Variants in WDFY1 observed in about 807,000 individuals in gnomAD.
The protein encoded by WDFY1 is WD repeat and FYVE domain containing 1.
In WDFY1, 32 loss-of-function variants were observed where a neutral mutation model predicts 56.4. That is an observed-to-expected ratio of 0.57 (90% CI 0.43 to 0.76). The LOEUF (loss-of-function observed/expected upper bound fraction) is 0.76. Among genes scored for constraint, WDFY1 ranks in the 30% least tolerant of loss-of-function variants. The pLI is 0.00. For synonymous variants in WDFY1, 192 were observed against 197.3 expected, an observed-to-expected ratio of 0.97 and a Z score of 0.23; for missense variants, 480 against 545.7, an observed-to-expected ratio of 0.88 and a Z score of 1.20.
chr2:223,901,139 A>AG (rs755717971), intron 5 of WDFY1, 44 bp downstream of exon 5: 1 of 1,581,032 alleles, frequency 6.3e-7, no homozygotes. Context: ...AACACTGAGA[A>AG]GCAGAGGCCA....
At chr2:223,902,557 C>T (rs1456352335) in intron 4 of WDFY1, among the ~76,000 whole-genome samples, 1 of 152,002 alleles carries the variant, frequency 6.6e-6, no homozygotes, top group East Asian at 1.9e-4. Flanking sequence ...ACAGCGAGAC[C>T]CTGTCTCTAA....
chr2:223,926,717 G>A (rs1293303140), intron 1 of WDFY1, among the ~76,000 whole-genome samples: 1 of 152,070 alleles, frequency 6.6e-6, no homozygotes, highest in Non-Finnish European at 1.5e-5. Context: ...ACCCAGGCTG[G>A]AGTGCAGTGG....
chr2:223,883,441 T>C (rs559643845), intron 9 of WDFY1, among the ~76,000 whole-genome samples: 2 of 152,338 alleles, frequency 1.3e-5, no homozygotes, highest in Admixed American at 1.3e-4. Context: ...CCTTTAGAAG[T>C]AGGGAATACT....
chr2:223,938,882 T>C (rs1274888324), intron 1 of WDFY1, among the ~76,000 whole-genome samples: 1 of 124,876 alleles, frequency 8.0e-6, no homozygotes, highest in Non-Finnish European at 1.7e-5. Flanking sequence ...TGAGACAGGG[T>C]TTTGGTCTGT....
intron 6 of WDFY1, among the ~76,000 whole-genome samples, chr2:223,897,373 TATA>T (rs1693403438): frequency 5.3e-5 from 2 of 37,808 alleles, no homozygotes; most frequent in South Asian, 9.5e-4. Context: ...TATATATATA[TATA>T]TATATATATA....
At chr2:223,895,734 C>T in intron 6 of WDFY1, 104 bp from the exon 7 acceptor site, 1 of 1,491,636 alleles carries the variant, frequency 6.7e-7, no homozygotes, top group Non-Finnish European at 9.0e-7. Context: ...AAACTAGGAG[C>T]AGCTGAGTCT....
chr2:223,932,162 A>G lies in WDFY1; in HGVS notation c.137+12986T>C, dbSNP rs1201770555. Among the ~76,000 whole-genome samples the G allele has an allele frequency of 1.5e-4, 18 of 119,762 alleles. No homozygotes were observed. The Middle Eastern group carries it at 0.028, about 188-fold the overall frequency. 78.6% of individuals were successfully genotyped at this position (119,762 alleles called of 152,430 possible). ...TTTTGAGACGAAGTCTCGCTCTGTC[A>G]CCCAGGCTGGAGTGCAGTGGTGCAA... On this transcript the variant is annotated intron_variant, in intron 1 of 11. Transcript: ENST00000233055.
chr2:223,902,481 C>T (rs925623103), intron 4 of WDFY1, among the ~76,000 whole-genome samples: 1 of 152,108 alleles, frequency 6.6e-6, no homozygotes, highest in African/African-American at 2.4e-5. Context: ...GGGAGGATCC[C>T]TTGAGCCCAG....
chr2:223,875,896 A>C lies in WDFY1; in HGVS notation c.*2775T>G, dbSNP rs1692961887. On this transcript the variant is annotated 3_prime_UTR_variant, in exon 12 of 12. Coordinates refer to ENST00000233055, the MANE Select transcript of WDFY1 (RefSeq NM_020830.5). The stretch of plus-strand genomic sequence containing the variant: ...TCTGAGCTACTATGGTATTTATTAC[A>C]TATTTGGGTCAGTTTCACCAGTTTA... 1 of 152,150 alleles carries C rather than the reference A, an allele frequency of 6.6e-6. No homozygotes were observed. Among genetic ancestry groups the C allele is most frequent in the Non-Finnish European group, 1.5e-5 (1 of 68,002 alleles). 9.4% of individuals were successfully genotyped at this position (152,150 alleles called of 1,614,324 possible). A position where few individuals can be genotyped will look rare whatever the true frequency, so the allele number is the denominator to read the frequency against.
chr2:223,895,294 G>T (rs959984639), intron 7 of WDFY1, among the ~76,000 whole-genome samples: 9 of 141,868 alleles, frequency 6.3e-5, no homozygotes, highest in Admixed American at 1.4e-4. Context: ...TTGTTTTTTT[G>T]TTTGTTTGTT....
intron 3 of WDFY1, among the ~76,000 whole-genome samples, chr2:223,907,101 A>G (rs1693609721): frequency 1.3e-5 from 2 of 151,848 alleles, no homozygotes; most frequent in South Asian, 4.2e-4. Context: ...CAGAGTCCTG[A>G]GTAACTGGGA....
At chr2:223,916,294 T>C (rs1574773152) in intron 2 of WDFY1, among the ~76,000 whole-genome samples, 1 of 152,208 alleles carries the variant, frequency 6.6e-6, no homozygotes, top group Non-Finnish European at 1.5e-5. Flanking sequence ...GAGAAAGTGC[T>C]ACCAGAGGAG....
intron 1 of WDFY1, among the ~76,000 whole-genome samples, chr2:223,937,554 T>C (rs1689214197): frequency 6.6e-6 from 1 of 152,208 alleles, no homozygotes; most frequent in African/African-American, 2.4e-5. Flanking sequence ...AACGGACTCA[T>C]GTCCATTTTG....
intron 1 of WDFY1, among the ~76,000 whole-genome samples, chr2:223,941,706 C>T (rs1292949148): frequency 2.0e-5 from 3 of 152,222 alleles, no homozygotes; most frequent in African/African-American, 7.2e-5. Context: ...GGATTACAGG[C>T]GTGAGCCACC....
chr2:223,928,105 T>C (rs569344450), intron 1 of WDFY1, among the ~76,000 whole-genome samples: 1 of 152,270 alleles, frequency 6.6e-6, no homozygotes, highest in South Asian at 2.1e-4. Context: ...CAAAGATCAC[T>C]GAACACAGAC....
chr2:223,887,561 T>G (rs1245568275), intron 8 of WDFY1, among the ~76,000 whole-genome samples: 1 of 152,270 alleles, frequency 6.6e-6, no homozygotes, highest in Non-Finnish European at 1.5e-5. Flanking sequence ...CTTGCAAACT[T>G]GCCCATTATT....
intron 1 of WDFY1, among the ~76,000 whole-genome samples, chr2:223,931,330 T>G (rs191304991): frequency 1.3e-5 from 2 of 152,382 alleles, no homozygotes; most frequent in East Asian, 3.9e-4. Flanking sequence ...ATAAAACTTC[T>G]GTATGCTTTA....
At chr2:223,922,192 C>G (rs941015211) in intron 1 of WDFY1, among the ~76,000 whole-genome samples, 4 of 152,220 alleles carry the variant, frequency 2.6e-5, no homozygotes, top group African/African-American at 4.8e-5. Context: ...ACTCTTCTCT[C>G]CAGACAGTGT....
intron 2 of WDFY1, among the ~76,000 whole-genome samples, chr2:223,913,961 G>A (rs1049986743): frequency 7.2e-6 from 1 of 139,688 alleles, no homozygotes; most frequent in Admixed American, 7.3e-5. Flanking sequence ...TGGATATAAA[G>A]CAAAATAGGA....
Sources: allele counts gnomAD v4.1 joint callset (sites outside exome capture counted in the v4.1 genomes callset), GRCh38; gene constraint gnomAD v4.1.1; transcripts MANE v1.5; gene names NCBI Gene and HGNC (gene_info 2026-07-23, HGNC 2026-07-21).